Variants in RBFOX1 observed in about 807,000 individuals in gnomAD.
The protein encoded by RBFOX1 is RNA binding protein fox-1 homolog 1.
A neutral mutation model predicts 57.7 loss-of-function variants in RBFOX1; 8 were observed. That is an observed-to-expected ratio of 0.14 (90% CI 0.08 to 0.25). The LOEUF is 0.25. Among genes scored for constraint, RBFOX1 ranks in the 10% least tolerant of loss-of-function variants. The pLI, the probability that RBFOX1 is intolerant of heterozygous loss-of-function variation, is 1.00. For missense variants in RBFOX1, 611 were observed against 548.5 expected (o/e 1.11, Z -1.14); for synonymous variants, 326 against 222.4 (o/e 1.47, Z -4.15).
chr16:7,466,466 T>C (rs933757695), intron 4 of RBFOX1, among the ~76,000 whole-genome samples: 9 of 152,256 alleles, frequency 5.9e-5, no homozygotes, highest in East Asian at 1.9e-4. Context: ...AGCTCGGTTT[T>C]AAAAAGTCAC....
chr16:5,342,751 A>G (rs2065058894), intron 1 of RBFOX1, among the ~76,000 whole-genome samples: 3 of 152,204 alleles, frequency 2.0e-5, no homozygotes, highest in Non-Finnish European at 2.9e-5. Context: ...TCCTTGGTGC[A>G]CATCCAAACC....
chr16:6,384,966 T>C (rs373016718), intron 2 of RBFOX1, among the ~76,000 whole-genome samples: 24 of 152,172 alleles, frequency 1.6e-4, no homozygotes, highest in African/African-American at 4.8e-4. Context: ...GTGTAAATGG[T>C]AGCCATGTCC....
At chr16:6,052,583 C>G (rs549398069) in intron 1 of RBFOX1, among the ~76,000 whole-genome samples, 7 of 151,942 alleles carry the variant, frequency 4.6e-5, no homozygotes, top group South Asian at 2.1e-4. Flanking sequence ...AGGAGATCGA[C>G]ACCATCCTGG....
intron 2 of RBFOX1, among the ~76,000 whole-genome samples, chr16:5,529,992 A>C (rs563009471): frequency 6.6e-6 from 1 of 152,256 alleles, no homozygotes; most frequent in Admixed American, 6.5e-5. Context: ...GGCACACAAC[A>C]GATTCTTCCT....
At chr16:6,297,796 T>G (rs2078304246) in intron 1 of RBFOX1, among the ~76,000 whole-genome samples, 1 of 152,048 alleles carries the variant, frequency 6.6e-6, no homozygotes, top group Admixed American at 6.5e-5. Context: ...ATCTGAACGC[T>G]GAGAGGAGTT....
chr16:6,881,176 C>T (rs1041879734), intron 3 of RBFOX1, among the ~76,000 whole-genome samples: 3 of 152,192 alleles, frequency 2.0e-5, no homozygotes, highest in African/African-American at 7.2e-5. Context: ...AAATGAAACC[C>T]ATTTGCTCTC....
chr16:6,892,626 C>T (rs1374236385), intron 3 of RBFOX1, among the ~76,000 whole-genome samples: 2 of 152,138 alleles, frequency 1.3e-5, no homozygotes, highest in African/African-American at 2.4e-5. Context: ...GGCAAGATTG[C>T]ACCACTGTAC....
At chr16:5,672,411 AG>A (rs2050039929) in intron 3 of RBFOX1, among the ~76,000 whole-genome samples, 1 of 152,090 alleles carries the variant, frequency 6.6e-6, no homozygotes, top group African/African-American at 2.4e-5. Context: ...CTCCTGCTCC[AG>A]GGCCTTTGCA....
intron 3 of RBFOX1, among the ~76,000 whole-genome samples, chr16:6,995,046 CTAAT>C (rs972680229): frequency 2.0e-5 from 3 of 150,448 alleles, no homozygotes; most frequent in Non-Finnish European, 2.9e-5. Context: ...ATTAGGCTGG[CTAAT>C]TATTGTGACT....
chr16:6,796,878 G>A (rs2084187224), intron 3 of RBFOX1, among the ~76,000 whole-genome samples: 1 of 152,110 alleles, frequency 6.6e-6, no homozygotes, highest in African/African-American at 2.4e-5. Flanking sequence ...TGCTTGTCTT[G>A]TTCTTTGTTA....
intron 1 of RBFOX1, among the ~76,000 whole-genome samples, chr16:6,100,603 C>G (rs1412982902): frequency 1.3e-5 from 2 of 152,062 alleles, no homozygotes; most frequent in African/African-American, 4.8e-5. Context: ...CTTTTTTTGT[C>G]ACATAATAAC....
intron 4 of RBFOX1, among the ~76,000 whole-genome samples, chr16:7,264,467 G>A (rs71374936): frequency 1.3e-3 from 203 of 152,330 alleles, no homozygotes; most frequent in Non-Finnish European, 2.4e-3. Flanking sequence ...CTAAGTCTCT[G>A]AGCTAGTTTT....
intron 4 of RBFOX1, among the ~76,000 whole-genome samples, chr16:7,311,198 G>T (rs974358614): frequency 6.6e-6 from 1 of 152,178 alleles, no homozygotes; most frequent in Admixed American, 6.5e-5. Flanking sequence ...GGAAACTGCT[G>T]TGGTCCTTAG....
intron 3 of RBFOX1, among the ~76,000 whole-genome samples, chr16:6,890,678 T>C (rs2153373623): frequency 6.6e-6 from 1 of 152,324 alleles, no homozygotes; most frequent in South Asian, 2.1e-4. Context: ...ATCTTGTCTG[T>C]CCCCAGTTTC....
intron 3 of RBFOX1, among the ~76,000 whole-genome samples, chr16:6,895,197 A>G (rs1031510200): frequency 1.3e-5 from 2 of 152,036 alleles, no homozygotes; most frequent in Non-Finnish European, 2.9e-5. Context: ...GTGATGTTCT[A>G]GGAATTAAAG....
At chr16:6,657,316 G>C (rs943745746) in intron 3 of RBFOX1, among the ~76,000 whole-genome samples, 2 of 152,156 alleles carry the variant, frequency 1.3e-5, no homozygotes, top group Admixed American at 6.5e-5. Context: ...GTTAAGAAGA[G>C]ATTGGGAGTG....
At chr16:6,640,854 G>C (rs542236642) in intron 2 of RBFOX1, among the ~76,000 whole-genome samples, 17 of 152,104 alleles carry the variant, frequency 1.1e-4, no homozygotes, top group African/African-American at 3.6e-4. Context: ...CCCATCTTAG[G>C]ATTAAGGCCA....
intron 13 of RBFOX1, among the ~76,000 whole-genome samples, chr16:7,669,261 T>C (rs1201075859): frequency 6.6e-6 from 1 of 151,250 alleles, no homozygotes. Context: ...AAACAAGCAT[T>C]GCTTAACTGA....
intron 2 of RBFOX1, among the ~76,000 whole-genome samples, chr16:6,484,339 T>C (rs889823183): frequency 1.8e-4 from 28 of 152,184 alleles, no homozygotes; most frequent in Admixed American, 7.2e-4. Flanking sequence ...TGTAAACATG[T>C]CCACCATGCT....
Sources: gnomAD v4.1 joint callset for allele counts (sites outside exome capture counted in the v4.1 genomes callset) on GRCh38, gnomAD v4.1.1 for gene constraint, MANE v1.5 for transcripts, NCBI Gene and HGNC (gene_info 2026-07-23, HGNC 2026-07-21) for gene names.